COG5: variants seen among roughly 807,000 people sequenced by gnomAD.
COG5 encodes conserved oligomeric Golgi complex subunit 5.
A neutral mutation model predicts 110.4 loss-of-function variants in COG5; 86 were observed. The observed-to-expected ratio is 0.78, with a 90% CI of 0.65 to 0.93. COG5 has a LOEUF of 0.93. COG5 is among the 40% of genes least tolerant of loss of function. The probability of loss-of-function intolerance (pLI) is 0.00; values close to 1 mark genes in which losing one functional copy is unlikely to be tolerated. For synonymous variants in COG5, 360 were observed against 334.6 expected (o/e 1.08, Z -0.83); for missense variants, 1,077 against 987.0 (o/e 1.09, Z -1.22).
intron 11 of COG5, among the ~76,000 whole-genome samples, chr7:107,307,754 T>C (rs889310524): frequency 2.0e-5 from 3 of 152,056 alleles, no homozygotes; most frequent in Non-Finnish European, 4.4e-5. Flanking sequence ...TTTAGGGACA[T>C]GATGGGGGAG....
At chr7:107,549,076 C>T (rs1036005467) in intron 3 of COG5, 1 of 152,340 alleles carries the variant, frequency 6.6e-6, no homozygotes, top group East Asian at 1.9e-4. Flanking sequence ...TATCAGCATA[C>T]AAGTATACAA....
chr7:107,517,193 A>G (rs1435338011), intron 6 of COG5, among the ~76,000 whole-genome samples: 3 of 152,094 alleles, frequency 2.0e-5, no homozygotes. Flanking sequence ...AACTTAGTGA[A>G]GCATACACAA....
chr7:107,205,501 A>G (rs549450995), intron 21 of COG5, among the ~76,000 whole-genome samples: 14 of 152,334 alleles, frequency 9.2e-5, no homozygotes, highest in African/African-American at 2.9e-4. Flanking sequence ...ACCTAGGGAA[A>G]GATCAAGGGT....
chr7:107,310,459 A>G (rs561821431), intron 11 of COG5, among the ~76,000 whole-genome samples: 171 of 152,338 alleles, frequency 1.1e-3, no homozygotes, highest in Non-Finnish European at 1.8e-3. Flanking sequence ...CAATGTAAAC[A>G]CAAGTGTTCT....
chr7:107,430,703 GCTGC>G (rs1204589471), intron 6 of COG5, among the ~76,000 whole-genome samples: 1 of 152,218 alleles, frequency 6.6e-6, no homozygotes, highest in Non-Finnish European at 1.5e-5. Context: ...TTTGGGAAGT[GCTGC>G]CATCTGTGCT....
chr7:107,290,497 A>G (rs1183347753), intron 12 of COG5, among the ~76,000 whole-genome samples: 3 of 152,110 alleles, frequency 2.0e-5, no homozygotes, highest in Non-Finnish European at 2.9e-5. Flanking sequence ...GTGTGTTTAT[A>G]TTGTCTTTTA....
chr7:107,563,141 A>G (rs527809319), intron 1 of COG5, among the ~76,000 whole-genome samples: 5 of 152,300 alleles, frequency 3.3e-5, no homozygotes, highest in Admixed American at 2.0e-4. Flanking sequence ...CTTTTCAAGT[A>G]TATTATATCT....
chr7:107,354,984 A>G (rs1187747808), intron 10 of COG5, among the ~76,000 whole-genome samples: 1 of 152,252 alleles, frequency 6.6e-6, no homozygotes, highest in Non-Finnish European at 1.5e-5. Flanking sequence ...TCCAAATGCT[A>G]AAAGCTATAC....
At chr7:107,303,523 G>T (rs1219330067) in intron 11 of COG5, among the ~76,000 whole-genome samples, 1 of 151,974 alleles carries the variant, frequency 6.6e-6, no homozygotes, top group East Asian at 1.9e-4. Flanking sequence ...GACCTCATGG[G>T]CTTAAGCAAT....
At chr7:107,375,976 A>G (rs10249326) in intron 7 of COG5, among the ~76,000 whole-genome samples, 96,325 of 151,826 alleles carry the variant, frequency 0.63, 32,843 homozygotes, top group African/African-American at 0.91. Flanking sequence ...AATACAATTC[A>G]CCTGGAATTA....
intron 6 of COG5, among the ~76,000 whole-genome samples, chr7:107,499,689 C>T (rs995327204): frequency 6.6e-6 from 1 of 152,006 alleles, no homozygotes; most frequent in African/African-American, 2.4e-5. Flanking sequence ...AGGTGTCAGC[C>T]ACCATGCCTA....
At chr7:107,561,245 T>C (rs532456038) in intron 1 of COG5, among the ~76,000 whole-genome samples, 2 of 152,220 alleles carry the variant, frequency 1.3e-5, no homozygotes, top group Non-Finnish European at 2.9e-5. Context: ...CCAATTTTCA[T>C]ACTATGCATC....
chr7:107,218,177 C>A (rs868203092), intron 19 of COG5, among the ~76,000 whole-genome samples: 1 of 151,750 alleles, frequency 6.6e-6, no homozygotes, highest in Non-Finnish European at 1.5e-5. Flanking sequence ...CACTAAAAAC[C>A]GTAAAACATT....
chr7:107,267,211 C>A (rs889063049), intron 14 of COG5, among the ~76,000 whole-genome samples: 3 of 152,222 alleles, frequency 2.0e-5, no homozygotes, highest in Non-Finnish European at 2.9e-5. Flanking sequence ...CCTTTCTCAA[C>A]CTAACTTTCT....
intron 1 of COG5, among the ~76,000 whole-genome samples, chr7:107,558,591 A>T (rs1439255127): frequency 1.3e-5 from 2 of 151,344 alleles, no homozygotes; most frequent in Non-Finnish European, 2.9e-5. Flanking sequence ...GTGACAGAGC[A>T]AGACTTTATC....
At chr7:107,391,978 C>A (rs571599630) in intron 7 of COG5, among the ~76,000 whole-genome samples, 1 of 152,148 alleles carries the variant, frequency 6.6e-6, no homozygotes, top group African/African-American at 2.4e-5. Flanking sequence ...GTAGTCCCAG[C>A]TACTTGGGAG....
intron 11 of COG5, among the ~76,000 whole-genome samples, chr7:107,316,740 G>C (rs1012829671): frequency 6.7e-6 from 1 of 150,160 alleles, no homozygotes; most frequent in East Asian, 2.0e-4. Flanking sequence ...GCTGAGGCAG[G>C]AGAATGGCGT....
intron 6 of COG5, among the ~76,000 whole-genome samples, chr7:107,414,330 T>C (rs1320116655): frequency 1.3e-5 from 2 of 152,204 alleles, no homozygotes; most frequent in Admixed American, 1.3e-4. Flanking sequence ...TCCCTTCATA[T>C]ACCACAGTGA....
At chr7:107,207,918 C>T in intron 21 of COG5, 1 of 985,404 alleles carries the variant, frequency 1.0e-6, no homozygotes. Context: ...TTTATGACAA[C>T]CTAACATATT....
Sources: allele counts gnomAD v4.1 joint callset (sites outside exome capture counted in the v4.1 genomes callset), GRCh38; gene constraint gnomAD v4.1.1; transcripts MANE v1.5; gene names NCBI Gene and HGNC (gene_info 2026-07-23, HGNC 2026-07-21).